LRRC34: variants seen among roughly 807,000 people sequenced by gnomAD.
LRRC34 encodes the protein leucine-rich repeat-containing protein 34.
In LRRC34, 44 loss-of-function variants were observed where a neutral mutation model predicts 48.5. The ratio of observed to expected loss-of-function variants is 0.91; its 90% confidence interval spans 0.71 to 1.17. The LOEUF is 1.17. LRRC34 is among the 50% of genes most tolerant of loss of function. The probability of loss-of-function intolerance (pLI) is 0.00; values close to 1 mark genes in which losing one functional copy is unlikely to be tolerated. For missense variants in LRRC34, 502 were observed against 563.0 expected, an observed-to-expected ratio of 0.89 and a Z score of 1.10; for synonymous variants, 192 against 197.6, an observed-to-expected ratio of 0.97 and a Z score of 0.24.
intron 10 of LRRC34, chr3:169,794,845 C>T (rs1778934170): frequency 6.6e-6 from 1 of 152,190 alleles, no homozygotes; most frequent in Non-Finnish European, 1.5e-5. Flanking sequence ...TGTCATTCAT[C>T]ATTAGTTCCA....
At chr3:169,799,610 T>A (rs759774613) in intron 7 of LRRC34, among the ~76,000 whole-genome samples, 3 of 152,234 alleles carry the variant, frequency 2.0e-5, no homozygotes, top group East Asian at 1.9e-4. Context: ...TGAGCCGATA[T>A]CATGCCACCG....
At position 169,804,046 on chromosome 3, in the gene LRRC34, T is replaced by G. The variant is rs779492776; in HGVS notation, c.657+7A>C. The G allele has an allele frequency of 2.5e-6, 4 of 1,568,712 alleles. No individual in the cohort carries two copies. The highest frequency in any genetic ancestry group is 3.7e-5 in the Admixed American group (2 of 53,868). Reference sequence around the variant, plus strand: ...CTGGATGATTTTCTCATAACCAGTTTACTCACCAGATCACAGTCACCCAGA... The same window carrying G: ...CTGGATGATTTTCTCATAACCAGTTGACTCACCAGATCACAGTCACCCAGA... On this transcript the variant is annotated splice_region_variant and intron_variant, in intron 6 of 10. Coordinates refer to ENST00000446859, the MANE Select transcript of LRRC34 (RefSeq NM_001172779.2).
rs9878797 is a variant in LRRC34, at chr3:169,812,170, A to G, written c.139+240T>C. On this transcript the variant is annotated intron_variant, in intron 1 of 10. Transcript: ENST00000446859. This position sits in a 1 kb window ranked among gnomAD's most constrained non-coding sequence, Gnocchi z 4.3. ...ATCGCGCAAAGGGCGGACCCACGGGAACTCCTCTCCGTGGACTCCTCTCCT... is the reference window on the plus strand; with the variant it reads ...ATCGCGCAAAGGGCGGACCCACGGGGACTCCTCTCCGTGGACTCCTCTCCT... Among the ~76,000 whole-genome samples, 80,103 of 149,872 alleles carry G rather than the reference A, an allele frequency of 0.53. 22,182 individuals carry two copies. Among genetic ancestry groups the G allele is most frequent in the East Asian group, 0.77 (3,797 of 4,942 alleles).
chr3:169,802,238 T>C (rs1345926833), intron 6 of LRRC34, among the ~76,000 whole-genome samples: 1 of 152,150 alleles, frequency 6.6e-6, no homozygotes, highest in African/African-American at 2.4e-5. Flanking sequence ...AAAGCATCTG[T>C]AAAAATAAAT....
intron 2 of LRRC34, among the ~76,000 whole-genome samples, chr3:169,808,258 G>A (rs28482118): frequency 0.063 from 9,480 of 149,990 alleles, 917 homozygotes; most frequent in African/African-American, 0.22. Flanking sequence ...AGTTTGCAGT[G>A]AGCCGAGATC....
chr3:169,812,405 C>G lies in LRRC34; in HGVS notation c.139+5G>C, dbSNP rs1210136924. 6.5e-7 allele frequency: 1 copy of G among 1,527,154 alleles called. No homozygotes were observed. The highest frequency in any genetic ancestry group is 2.5e-5 in the East Asian group (1 of 39,728). 94.6% of individuals were successfully genotyped at this position (1,527,154 alleles called of 1,614,324 possible). The stretch of plus-strand genomic sequence containing the variant: ...GGCCGCGCAGACGTGCTCCCTACTT[C>G]TTACCGCGCTGGACCGCCAGGGCCG... On this transcript the variant is annotated splice_donor_5th_base_variant and intron_variant, in intron 1 of 10. Transcript: ENST00000446859. The surrounding 1 kb of genome is among the most constrained non-coding windows in gnomAD (Gnocchi z 4.3).
chr3:169,802,393 TTCATAACTCGTA>T (rs1779224965), intron 6 of LRRC34, among the ~76,000 whole-genome samples: 1 of 152,184 alleles, frequency 6.6e-6, no homozygotes. Context: ...TTTCTCATCC[TTCATAACTCGTA>T]AATATTACCT....
intron 4 of LRRC34, among the ~76,000 whole-genome samples, 181 bp from the exon 5 acceptor site, chr3:169,807,112 AATC>A (rs1413643913): frequency 1.3e-5 from 2 of 152,252 alleles, no homozygotes; most frequent in Non-Finnish European, 2.9e-5. Context: ...TAAGGAAAAA[AATC>A]ATTCTCATGT....
intron 1 of LRRC34, among the ~76,000 whole-genome samples, chr3:169,809,199 C>CTTTT (rs35059929): frequency 8.8e-6 from 1 of 113,344 alleles, no homozygotes; most frequent in Non-Finnish European, 1.9e-5. Flanking sequence ...CTCAAGGTTT[C>CTTTT]TTTTTTTTTT....
chr3:169,812,610 G>A lies in LRRC34; in HGVS notation c.-62C>T. On this transcript the variant is annotated 5_prime_UTR_variant, in exon 1 of 11. Transcript: ENST00000446859. The surrounding 1 kb of genome is among the most constrained non-coding windows in gnomAD (Gnocchi z 4.3). ...GTGAGGCGGCTACACGAGCCTCGGC[G>A]CCAGCCTGCTTCGAGTCCCGCTGGC... is the stretch of plus-strand genomic sequence containing the variant. 7.1e-7 allele frequency: 1 copy of A among 1,412,312 alleles called. No individual in the cohort carries two copies. Among genetic ancestry groups the A allele is most frequent in the South Asian group, 1.5e-5 (1 of 65,266 alleles). 87.5% of individuals were successfully genotyped at this position (1,412,312 alleles called of 1,614,324 possible). A position where few individuals can be genotyped will look rare whatever the true frequency, so the allele number is the denominator to read the frequency against.
In LRRC34 at chr3:169,804,033, C is replaced by A; in HGVS notation, c.657+20G>T. 6.5e-7 allele frequency: 1 copy of A among 1,546,388 alleles called. No individual in the cohort carries two copies. Among genetic ancestry groups the A allele is most frequent in the Admixed American group, 2.0e-5 (1 of 50,590 alleles). Reference sequence around the variant, plus strand: ...AATGACCCACTATCTGGATGATTTTCTCATAACCAGTTTACTCACCAGATC... The same window carrying A: ...AATGACCCACTATCTGGATGATTTTATCATAACCAGTTTACTCACCAGATC... On this transcript the variant is annotated intron_variant, in intron 6 of 10. Transcript: ENST00000446859.
intron 2 of LRRC34, among the ~76,000 whole-genome samples, 175 bp downstream of exon 2, chr3:169,808,450 TACC>T (rs1226018094): frequency 6.6e-6 from 1 of 151,674 alleles, no homozygotes; most frequent in Non-Finnish European, 1.5e-5. Context: ...CTGAATACTA[TACC>T]ACCTCTAAGA....
chr3:169,806,783 G>T, intron 5 of LRRC34, 65 bp downstream of exon 5: 1 of 980,498 alleles, frequency 1.0e-6, no homozygotes, highest in Non-Finnish European at 1.6e-6. Context: ...GACACTGTTG[G>T]TTCCAAGCTA....
rs1265043926 is a variant in LRRC34, at chr3:169,812,600, G to T, written c.-52C>A. ...GCCTGCAGCTGTGAGGCGGCTACAC[G>T]AGCCTCGGCGCCAGCCTGCTTCGAG... On this transcript the variant is annotated 5_prime_UTR_variant, in exon 1 of 11. Coordinates refer to ENST00000446859, the MANE Select transcript of LRRC34 (RefSeq NM_001172779.2). The surrounding 1 kb of genome is among the most constrained non-coding windows in gnomAD (Gnocchi z 4.3). The T allele has an allele frequency of 6.3e-6, 9 of 1,419,396 alleles. No homozygotes were observed. The South Asian group carries it at 1.1e-4, about 17-fold the overall frequency. The allele number at this position is 1,419,396 out of a possible 1,614,324, so 87.9% of individuals were successfully genotyped here. A position where few individuals can be genotyped will look rare whatever the true frequency, so the allele number is the denominator to read the frequency against.
chr3:169,808,330 A>G (rs13322972), intron 2 of LRRC34, among the ~76,000 whole-genome samples: 4,967 of 150,988 alleles, frequency 0.033, 260 homozygotes, highest in African/African-American at 0.11. Flanking sequence ...AAAAAAAAAA[A>G]AAAAAGATTC....
intron 7 of LRRC34, among the ~76,000 whole-genome samples, chr3:169,797,662 G>T (rs913264151): frequency 6.6e-6 from 1 of 152,156 alleles, no homozygotes; most frequent in African/African-American, 2.4e-5. Flanking sequence ...CACTGGAAAT[G>T]CTGATGATGA....
chr3:169,812,496 C>G lies in LRRC34; in HGVS notation c.53G>C (p.Arg18Pro), dbSNP rs1309233512. Residue 18 changes from arginine (R) to proline (P), a missense_variant, in exon 1 of 11, where the codon CGG becomes CCG. By Grantham distance (103) the Arg-to-Pro change is moderately radical. Transcript: ENST00000446859. The surrounding 1 kb of genome is among the most constrained non-coding windows in gnomAD (Gnocchi z 4.3). Reference protein sequence around the residue: ...PVGERSMGSSREAARAPARSP... With the variant: ...PVGERSMGSSPEAARAPARSP... The stretch of plus-strand genomic sequence containing the variant: ...CCTGGCCGGCGCACGGGCGGCCTCC[C>G]GGGAGCTCCCCATGCTCCTCTCACC... The G allele has an allele frequency of 1.6e-5, 25 of 1,527,834 alleles. 1 individual carries two copies. In the African/African-American group the frequency reaches 1.7e-4, roughly 10 times the overall value. The allele number at this position is 1,527,834 out of a possible 1,614,324, so 94.6% of individuals were successfully genotyped here.
chr3:169,802,295 T>C (rs1779220966), intron 6 of LRRC34, among the ~76,000 whole-genome samples: 1 of 152,218 alleles, frequency 6.6e-6, no homozygotes, highest in Non-Finnish European at 1.5e-5. Context: ...ATGCTACCCA[T>C]GCCACACTTA....
chr3:169,798,435 G>A (rs1289801045), intron 7 of LRRC34, among the ~76,000 whole-genome samples: 1 of 152,130 alleles, frequency 6.6e-6, no homozygotes, highest in Non-Finnish European at 1.5e-5. Context: ...ATTCCTCCAC[G>A]GTAATAAAAC....
Sources: allele counts gnomAD v4.1 joint callset (sites outside exome capture counted in the v4.1 genomes callset), GRCh38; gene constraint gnomAD v4.1.1; non-coding constraint Gnocchi (gnomAD v3.1); transcripts MANE v1.5; gene names NCBI Gene and HGNC (gene_info 2026-07-23, HGNC 2026-07-21).